The following WDR25 variants were observed in gnomAD, a reference collection of about 807,000 sequenced individuals.
WDR25 encodes WD repeat domain 25, also known as WD repeat-containing protein 25.
Under a neutral mutation model 47.7 loss-of-function variants are expected in WDR25, and 35 were observed. The ratio of observed to expected loss-of-function variants is 0.73; its 90% CI spans 0.56 to 0.97. The LOEUF is 0.97. Ranked by LOEUF, WDR25 falls within the 50% of genes least tolerant of loss-of-function variation. The pLI, the probability that WDR25 is intolerant of heterozygous loss-of-function variation, is 0.00. For missense variants in WDR25, 634 were observed against 704.7 expected (o/e 0.90, Z 1.14); for synonymous variants, 248 against 278.9 (o/e 0.89, Z 1.10).
At chr14:100,467,990 GAC>G in intron 2 of WDR25, 29 bp from the exon 3 acceptor site, 11 of 1,610,946 alleles carry the variant, frequency 6.8e-6, no homozygotes, top group Non-Finnish European at 9.3e-6. Context: ...CCCTTGTTGT[GAC>G]ACCTGGTGCT....
chr14:100,529,008 G>A lies in WDR25; in HGVS notation c.1273-60G>A. The A allele has an allele frequency of 2.7e-6, 4 of 1,494,304 alleles. No homozygotes were observed. The South Asian group carries it at 5.5e-5, about 21-fold the overall frequency. The allele number at this position is 1,494,304 out of a possible 1,614,324, so 92.6% of individuals were successfully genotyped here. A position where few individuals can be genotyped will look rare whatever the true frequency, so the allele number is the denominator to read the frequency against. ...GTCTGGGAGCAGGCCCCAGGCCCCA[G>A]AGCAGAGTGCCAGGTTGGGGGTGTC... On this transcript the variant is annotated intron_variant, in intron 5 of 6. Coordinates refer to ENST00000402312, the MANE Select transcript of WDR25 (RefSeq NM_001161476.3). This position sits in a 1 kb window ranked among gnomAD's most constrained non-coding sequence, Gnocchi z 5.1.
At chr14:100,380,679 A>G (rs1896861850) in intron 1 of WDR25, among the ~76,000 whole-genome samples, 2 of 151,626 alleles carry the variant, frequency 1.3e-5, no homozygotes, top group Admixed American at 1.3e-4. Flanking sequence ...TTTTTAGTAG[A>G]GACGGGGTTT....
At chr14:100,480,211 C>T (rs1900153300) in intron 3 of WDR25, among the ~76,000 whole-genome samples, 1 of 152,164 alleles carries the variant, frequency 6.6e-6, no homozygotes, top group East Asian at 1.9e-4. Flanking sequence ...TCAGGCTGGA[C>T]CGTTAGGGTG....
intron 2 of WDR25, among the ~76,000 whole-genome samples, chr14:100,435,916 C>G (rs906908739): frequency 6.6e-6 from 1 of 152,126 alleles, no homozygotes; most frequent in Non-Finnish European, 1.5e-5. Flanking sequence ...TGAGAGTCCT[C>G]TGGTGTGAGG....
At chr14:100,462,225 A>G (rs1899438705) in intron 2 of WDR25, among the ~76,000 whole-genome samples, 1 of 152,118 alleles carries the variant, frequency 6.6e-6, no homozygotes, top group Non-Finnish European at 1.5e-5. Flanking sequence ...ACTGCACCAT[A>G]TTTTACTTGT....
At chr14:100,479,795 A>AGTG (rs1206875442) in intron 3 of WDR25, among the ~76,000 whole-genome samples, 7 of 152,292 alleles carry the variant, frequency 4.6e-5, no homozygotes, top group Non-Finnish European at 8.8e-5. Flanking sequence ...GCAGTGGGTG[A>AGTG]GTGAACATTC....
intron 2 of WDR25, 23 bp from the exon 3 acceptor site, chr14:100,467,998 G>C: frequency 6.2e-7 from 1 of 1,611,640 alleles, no homozygotes; most frequent in Non-Finnish European, 8.5e-7. Flanking sequence ...GTGACACCTG[G>C]TGCTGTCTGT....
At chr14:100,389,494 C>T (rs1452567848) in intron 2 of WDR25, among the ~76,000 whole-genome samples, 1 of 152,176 alleles carries the variant, frequency 6.6e-6, no homozygotes, top group East Asian at 1.9e-4. Context: ...ACACAGCTCT[C>T]ATGCGGACCC....
At chr14:100,501,075 T>C (rs1308003596) in intron 4 of WDR25, among the ~76,000 whole-genome samples, 1 of 152,190 alleles carries the variant, frequency 6.6e-6, no homozygotes, top group Non-Finnish European at 1.5e-5. Context: ...GTGTAGTGCA[T>C]GGTACAGAGG....
intron 4 of WDR25, among the ~76,000 whole-genome samples, chr14:100,510,292 T>C (rs940201382): frequency 2.0e-5 from 3 of 150,992 alleles, no homozygotes; most frequent in Non-Finnish European, 4.4e-5. Flanking sequence ...AATTAATTTT[T>C]AGAGACAAGG....
intron 2 of WDR25, among the ~76,000 whole-genome samples, chr14:100,443,791 G>A (rs112999964): frequency 0.01 from 1,537 of 152,322 alleles, 16 homozygotes; most frequent in Middle Eastern, 0.037. Context: ...TGTGAAATGA[G>A]CGCATTTGGA....
chr14:100,448,056 G>C (rs528414223), intron 2 of WDR25, among the ~76,000 whole-genome samples: 1 of 152,118 alleles, frequency 6.6e-6, no homozygotes, highest in Non-Finnish European at 1.5e-5. Context: ...TTAGCCAGGC[G>C]TGGTGGCATT....
intron 2 of WDR25, among the ~76,000 whole-genome samples, chr14:100,394,088 T>C (rs1361917063): frequency 2.0e-5 from 3 of 152,214 alleles, no homozygotes; most frequent in Non-Finnish European, 4.4e-5. Context: ...TGGAAGGTAT[T>C]ATCAAGAACT....
intron 1 of WDR25, among the ~76,000 whole-genome samples, chr14:100,379,152 C>T (rs1205120557): frequency 2.0e-5 from 3 of 152,112 alleles, no homozygotes; most frequent in Non-Finnish European, 4.4e-5. Context: ...TATGTTCTCA[C>T]TTGTTGCTAA....
At chr14:100,454,661 A>G (rs149270689) in intron 2 of WDR25, 5 of 379,760 alleles carry the variant, frequency 1.3e-5, no homozygotes, top group Non-Finnish European at 2.6e-5. Context: ...TGTTTTGCCT[A>G]AGCATAGGCT....
intron 4 of WDR25, among the ~76,000 whole-genome samples, chr14:100,519,291 T>C (rs1176353253): frequency 6.9e-6 from 1 of 145,614 alleles, no homozygotes; most frequent in Non-Finnish European, 1.5e-5. Flanking sequence ...GAGAGAGAGA[T>C]GCATAGTGGG....
intron 5 of WDR25, among the ~76,000 whole-genome samples, chr14:100,528,437 T>C (rs1303588756): frequency 7.0e-6 from 1 of 142,286 alleles, no homozygotes; most frequent in East Asian, 2.0e-4. Context: ...CTTTCTTTCT[T>C]TTTTTTTTTT....
At chr14:100,473,638 C>T (rs1027082656) in intron 3 of WDR25, among the ~76,000 whole-genome samples, 2 of 152,126 alleles carry the variant, frequency 1.3e-5, no homozygotes, top group African/African-American at 2.4e-5. Context: ...GCTCCAATGA[C>T]GACTTTAGAC....
At position 100,498,235 on chromosome 14, in the gene WDR25, G is replaced by A. The variant is rs1030399150; in HGVS notation, c.1101+14111G>A. On this transcript the variant is annotated intron_variant, in intron 4 of 6. Coordinates refer to ENST00000402312, the MANE Select transcript of WDR25 (RefSeq NM_001161476.3). The surrounding 1 kb of genome is among the most constrained non-coding windows in gnomAD (Gnocchi z 4.2). ...CACACCCCTGAGGGAAGACTGCTTG[G>A]TGCTTCTCTGCAAATCTGGCGCGGA... 5.9e-5 allele frequency among the ~76,000 whole-genome samples: 9 copies of A among 152,154 alleles called. No individual in the cohort carries two copies. Among genetic ancestry groups the A allele is most frequent in the African/African-American group, 2.2e-4 (9 of 41,422 alleles).
Sources: allele counts gnomAD v4.1 joint callset (sites outside exome capture counted in the v4.1 genomes callset), GRCh38; gene constraint gnomAD v4.1.1; non-coding constraint Gnocchi (gnomAD v3.1); transcripts MANE v1.5; gene names NCBI Gene and HGNC (gene_info 2026-07-23, HGNC 2026-07-21).